Variants in DDIT4L observed in about 807,000 individuals in gnomAD.
DDIT4L encodes the protein DNA damage inducible transcript 4 like.
In DDIT4L, 13 loss-of-function variants were observed where a neutral mutation model predicts 15.9. The observed-to-expected ratio is 0.82, with a 90% CI of 0.53 to 1.30. DDIT4L has a LOEUF of 1.30. DDIT4L is among the 50% of genes most tolerant of loss of function. The pLI, the probability that DDIT4L is intolerant of heterozygous loss-of-function variation, is 0.00. For missense variants in DDIT4L, 235 were observed against 224.8 expected (o/e 1.05, Z -0.29); for synonymous variants, 82 against 85.4 (o/e 0.96, Z 0.22).
Position 100,188,144 on chromosome 4 carries a change from C to T in DDIT4L, c.115G>A (p.Val39Ile), listed in dbSNP as rs368941332. 3.2e-5 allele frequency: 52 copies of T among 1,608,924 alleles called. No individual in the cohort carries two copies. Among genetic ancestry groups the T allele is most frequent in the Non-Finnish European group, 4.1e-5 (48 of 1,179,490 alleles). Residue 39 changes from valine (V) to isoleucine (I), a missense_variant, in exon 3 of 3, where the codon GTT becomes ATT. Physicochemically the swap from Val to Ile is conservative, Grantham distance 29. Coordinates refer to ENST00000273990, the MANE Select transcript of DDIT4L (RefSeq NM_145244.4). ...ACCTCGTTGAGGTTGGGTTCAGGAA[C>T]AACATAATCCCAGTAGTCAAAATCT... ...LSDFDYWDYV[V>I]PEPNLNEVIF...
At chr4:100,190,181 A>G in intron 1 of DDIT4L, 122 bp downstream of exon 1, 1 of 574,506 alleles carries the variant, frequency 1.7e-6, no homozygotes, top group Non-Finnish European at 3.1e-6. Context: ...CAATTTGACA[A>G]AGCCCTGGGA....
rs770929183 is a variant in DDIT4L, at chr4:100,187,740, T to TC, written c.518dup (p.Phe174IlefsTer5). The TC allele has an allele frequency of 9.9e-6, 16 of 1,611,876 alleles. No homozygotes were observed. Among genetic ancestry groups the TC allele is most frequent in the Non-Finnish European group, 1.3e-5 (15 of 1,179,610 alleles). On this transcript the variant is annotated frameshift_variant, in exon 3 of 3. Coordinates refer to ENST00000273990, the MANE Select transcript of DDIT4L (RefSeq NM_145244.4). LOFTEE classifies it high-confidence loss of function. The stretch of plus-strand genomic sequence containing the variant: ...AAAGTTTTTTCTTAACAAGTCGAAA[T>TC]CCTGAGCTGAGGATCAGAGTTCTCC...
Position 100,187,990 on chromosome 4 carries a change from T to C in DDIT4L, c.269A>G (p.Gln90Arg). ...CGTTGAGGAAAGCCGCAGGACATCTTGAGCAATTCTCTGGGTCAGTTTCTC... is the reference window on the plus strand; with the variant it reads ...CGTTGAGGAAAGCCGCAGGACATCTCGAGCAATTCTCTGGGTCAGTTTCTC... ...VPEKLTQRIA[Q>R]DVLRLSSTEP... The change falls in exon 3 of 3, where the codon CAA (glutamine) becomes CGA (arginine). Residue 90 changes from glutamine to arginine, a missense_variant. Gln to Arg is a conservative substitution (Grantham distance 43). Transcript: ENST00000273990. The C allele has an allele frequency of 1.9e-6, 3 of 1,614,182 alleles. No homozygotes were observed. The highest frequency in any genetic ancestry group is 2.5e-6 in the Non-Finnish European group (3 of 1,180,042).
intron 2 of DDIT4L, 69 bp from the exon 3 acceptor site, chr4:100,188,236 A>G: frequency 6.8e-7 from 1 of 1,467,480 alleles, no homozygotes; most frequent in Non-Finnish European, 9.2e-7. Flanking sequence ...AAACACCAAG[A>G]TATCAACATT....
In DDIT4L at chr4:100,187,718, G is replaced by A. The variant is rs993963265; in HGVS notation, c.541C>T (p.Leu181Phe). Residue 181 changes from leucine to phenylalanine, a missense_variant, in exon 3 of 3, where the codon CTT (leucine) becomes TTT (phenylalanine). Physicochemically the swap from Leu to Phe is conservative, Grantham distance 22. Coordinates refer to ENST00000273990, the MANE Select transcript of DDIT4L (RefSeq NM_145244.4). ...SSGFRLVKKKLYSLIGTTVIE... is the reference protein window; with the variant it reads ...SSGFRLVKKKFYSLIGTTVIE... ...ACTGTTGTTCCAATCAGTGAGTAAA[G>A]TTTTTTCTTAACAAGTCGAAATCCT... The A allele has an allele frequency of 6.2e-7, 1 of 1,609,748 alleles. No homozygotes were observed. Among genetic ancestry groups the A allele is most frequent in the African/African-American group, 1.3e-5 (1 of 74,536 alleles).
chr4:100,189,175 TTTATCTATGCTC>T (rs1393755026), intron 2 of DDIT4L, among the ~76,000 whole-genome samples: 1 of 152,204 alleles, frequency 6.6e-6, no homozygotes, highest in Non-Finnish European at 1.5e-5. Context: ...GCTTAAGCAG[TTTATCTATGCTC>T]TTACAGCTCT....
chr4:100,187,818 C>T lies in DDIT4L; in HGVS notation c.441G>A (p.Trp147Ter). The T allele has an allele frequency of 6.2e-7, 1 of 1,613,734 alleles. No individual in the cohort carries two copies. Among genetic ancestry groups the T allele is most frequent in the Non-Finnish European group, 8.5e-7 (1 of 1,179,958 alleles). ...TAAAGAAAAAGTCCCTGAAGCTAGT[C>T]CATGAGCAGTTCTCCTGCTTAAACA... is the stretch of plus-strand genomic sequence containing the variant. ...TLVFKQENCS[W>*]TSFRDFFFSR... The change falls in exon 3 of 3, where the codon TGG (tryptophan) becomes TGA (stop). Residue 147 changes from tryptophan to a stop codon, truncating the protein, a stop_gained. Transcript: ENST00000273990. LOFTEE classifies it high-confidence loss of function.
chr4:100,190,258 G>A (rs1723494316), intron 1 of DDIT4L, 45 bp downstream of exon 1: 1 of 430,576 alleles, frequency 2.3e-6, no homozygotes, highest in South Asian at 2.6e-5. Flanking sequence ...CCCGCGGAGC[G>A]CCCCCCGGCC....
chr4:100,190,119 G>A, intron 1 of DDIT4L, 87 bp from the exon 2 acceptor site: 1 of 748,642 alleles, frequency 1.3e-6, no homozygotes, highest in South Asian at 1.7e-5. Context: ...TCCCGGGAGC[G>A]AACTAGCGGA....
chr4:100,190,016 A>G lies in DDIT4L; in HGVS notation c.-33T>C, dbSNP rs1723488943. 6 of 1,604,136 alleles carry G rather than the reference A, an allele frequency of 3.7e-6. No individual in the cohort carries two copies. In the East Asian group the frequency reaches 1.3e-4, roughly 36 times the overall value. ...GGCTCTGTTTCCTTCGCGAGGCGCA[A>G]CGGCCTTTCCTGAGCGCTGGAAAAA... On this transcript the variant is annotated 5_prime_UTR_variant, in exon 2 of 3. Coordinates refer to ENST00000273990, the MANE Select transcript of DDIT4L (RefSeq NM_145244.4).
chr4:100,187,133 C>T lies in DDIT4L; in HGVS notation c.*544G>A, dbSNP rs1723431657. 1 of 152,092 alleles carries T rather than the reference C, an allele frequency of 6.6e-6. No homozygotes were observed. Among genetic ancestry groups the T allele is most frequent in the Admixed American group, 6.6e-5 (1 of 15,254 alleles). 9.4% of individuals were successfully genotyped at this position (152,092 alleles called of 1,614,324 possible). A position where few individuals can be genotyped will look rare whatever the true frequency, so the allele number is the denominator to read the frequency against. Reference sequence around the variant, plus strand: ...CGTAATATTTCTCATTTACTCTTACCTAGGGTTAAGCTTTAATTAAACTCA... The same window carrying T: ...CGTAATATTTCTCATTTACTCTTACTTAGGGTTAAGCTTTAATTAAACTCA... On this transcript the variant is annotated 3_prime_UTR_variant, in exon 3 of 3. Coordinates refer to ENST00000273990, the MANE Select transcript of DDIT4L (RefSeq NM_145244.4).
At chr4:100,190,065 G>T in intron 1 of DDIT4L, 33 bp from the exon 2 acceptor site, 1 of 1,359,764 alleles carries the variant, frequency 7.4e-7, no homozygotes, top group Non-Finnish European at 1.0e-6. Context: ...AGACGGATTT[G>T]CAAAAGCAGG....
Position 100,190,318 on chromosome 4 carries a change from G to C in DDIT4L, c.-65C>G, listed in dbSNP as rs1213089226. The C allele has an allele frequency of 3.2e-6, 1 of 313,012 alleles. No homozygotes were observed. Among genetic ancestry groups the C allele is most frequent in the South Asian group, 3.6e-5 (1 of 27,840 alleles). 19.4% of individuals were successfully genotyped at this position (313,012 alleles called of 1,614,324 possible). On this transcript the variant is annotated 5_prime_UTR_variant, in exon 1 of 3. Coordinates refer to ENST00000273990, the MANE Select transcript of DDIT4L (RefSeq NM_145244.4). ...CTTCGCTCACCTGCCAGGAGTTCGC[G>C]GGGGCCTGCGCGCTCGCTGCCGGGT...
intron 1 of DDIT4L, 28 bp downstream of exon 1, chr4:100,190,275 C>T (rs1434139799): frequency 9.8e-6 from 4 of 409,990 alleles, no homozygotes; most frequent in Admixed American, 8.7e-5. Flanking sequence ...GGCCCCGCTG[C>T]CCCCACCAAG....
In DDIT4L at chr4:100,187,714, T is replaced by A. The variant is rs1363565284; in HGVS notation, c.545A>T (p.Tyr182Phe). The change falls in exon 3 of 3, where the codon TAC (tyrosine) becomes TTC (phenylalanine). Residue 182 changes from tyrosine to phenylalanine, a missense_variant. Coordinates refer to ENST00000273990, the MANE Select transcript of DDIT4L (RefSeq NM_145244.4). ...AATCACTGTTGTTCCAATCAGTGAG[T>A]AAAGTTTTTTCTTAACAAGTCGAAA... ...SGFRLVKKKLYSLIGTTVIEG... is the reference protein window; with the variant it reads ...SGFRLVKKKLFSLIGTTVIEG... 6.2e-7 allele frequency: 1 copy of A among 1,605,226 alleles called. No individual in the cohort carries two copies. The highest frequency in any genetic ancestry group is 1.4e-5 in the African/African-American group (1 of 73,948).
intron 2 of DDIT4L, among the ~76,000 whole-genome samples, chr4:100,189,158 A>G (rs1372966748): frequency 6.6e-6 from 1 of 152,252 alleles, no homozygotes; most frequent in Non-Finnish European, 1.5e-5. Flanking sequence ...GGAGAAAAAC[A>G]CGAAGAGCTT....
At position 100,187,470 on chromosome 4, in the gene DDIT4L, A is replaced by G. The variant is rs749012435; in HGVS notation, c.*207T>C. ...TACAAAAATGGGATCTATGCAGAAA[A>G]TCTACACTATTTTGAATCACTTCTC... On this transcript the variant is annotated 3_prime_UTR_variant, in exon 3 of 3. Coordinates refer to ENST00000273990, the MANE Select transcript of DDIT4L (RefSeq NM_145244.4). 71 of 527,152 alleles carry G rather than the reference A, an allele frequency of 1.3e-4. No individual in the cohort carries two copies. Among genetic ancestry groups the G allele is most frequent in the Non-Finnish European group, 1.8e-4 (58 of 315,798 alleles). The allele number at this position is 527,152 out of a possible 1,614,324, so 32.7% of individuals were successfully genotyped here.
rs1723489070 is a variant in DDIT4L at position 100,190,019 on chromosome 4, G to A, written c.-36C>T. On this transcript the variant is annotated 5_prime_UTR_variant, in exon 2 of 3. Coordinates refer to ENST00000273990, the MANE Select transcript of DDIT4L (RefSeq NM_145244.4). ...TCTGTTTCCTTCGCGAGGCGCAACG[G>A]CCTTTCCTGAGCGCTGGAAAAAATG... is the stretch of plus-strand genomic sequence containing the variant. 6.3e-7 allele frequency: 1 copy of A among 1,596,696 alleles called. No individual in the cohort carries two copies. The highest frequency in any genetic ancestry group is 8.6e-7 in the Non-Finnish European group (1 of 1,164,678).
At chr4:100,189,405 T>C (rs1481773416) in intron 2 of DDIT4L, among the ~76,000 whole-genome samples, 1 of 152,126 alleles carries the variant, frequency 6.6e-6, no homozygotes, top group East Asian at 1.9e-4. Context: ...TCAAAAACAT[T>C]AGGCTGCGGG....
Sources: gnomAD v4.1 joint callset for allele counts (sites outside exome capture counted in the v4.1 genomes callset) on GRCh38, gnomAD v4.1.1 for gene constraint, MANE v1.5 for transcripts, NCBI Gene and HGNC (gene_info 2026-07-23, HGNC 2026-07-21) for gene names.